Variants in ASXL3 observed in about 807,000 individuals in gnomAD.
ASXL3 encodes putative Polycomb group protein ASXL3.
A neutral mutation model predicts 170.6 loss-of-function variants in ASXL3; 34 were observed. That is an observed-to-expected ratio of 0.20 (90% confidence interval 0.15 to 0.27). The LOEUF is 0.27. Among genes scored for constraint, ASXL3 ranks in the 10% least tolerant of loss-of-function variants. ASXL3 has a pLI of 1.00. For synonymous variants in ASXL3, 1,002 were observed against 989.1 expected, an observed-to-expected ratio of 1.01 and a Z score of -0.24; for missense variants, 2,592 against 2,695.3, an observed-to-expected ratio of 0.96 and a Z score of 0.85.
chr18:33,644,547 TGGTG>T (rs1599437080), intron 2 of ASXL3, among the ~76,000 whole-genome samples: 12 of 151,404 alleles, frequency 7.9e-5, no homozygotes, highest in Admixed American at 3.3e-4. Context: ...TAAGGCTTCA[TGGTG>T]TTATTTGTAA....
Position 33,742,876 on chromosome 18 carries a change from TCC to T in ASXL3, c.3040-11_3040-10del. ...GAAGCACATTATATTTTTTTTTCTG[TCC>T]TCCTTTTAGATTCAGCTTTCCAAAA... On this transcript the variant is annotated splice_polypyrimidine_tract_variant and intron_variant, in intron 11 of 11. Coordinates refer to ENST00000269197, the MANE Select transcript of ASXL3 (RefSeq NM_030632.3). The T allele has an allele frequency of 6.3e-7, 1 of 1,575,512 alleles. No homozygotes were observed. Among genetic ancestry groups the T allele is most frequent in the African/African-American group, 1.4e-5 (1 of 72,782 alleles).
chr18:33,648,845 G>A (rs2065954619), intron 4 of ASXL3, among the ~76,000 whole-genome samples: 1 of 152,062 alleles, frequency 6.6e-6, no homozygotes, highest in Non-Finnish European at 1.5e-5. Flanking sequence ...GGAGGGTGAA[G>A]TGACTCAAAT....
chr18:33,698,888 G>A (rs532663364), intron 8 of ASXL3, among the ~76,000 whole-genome samples: 1 of 152,260 alleles, frequency 6.6e-6, no homozygotes, highest in African/African-American at 2.4e-5. Context: ...GTTTAAGAGA[G>A]GGATCAGGGA....
At chr18:33,721,377 T>C (rs2067256429) in intron 8 of ASXL3, among the ~76,000 whole-genome samples, 1 of 152,052 alleles carries the variant, frequency 6.6e-6, no homozygotes, top group East Asian at 1.9e-4. Flanking sequence ...AAGAAAAAAT[T>C]ATATGTACAC....
At chr18:33,702,278 ATCTC>A (rs907262045) in intron 8 of ASXL3, among the ~76,000 whole-genome samples, 15 of 150,750 alleles carry the variant, frequency 1.0e-4, no homozygotes, top group South Asian at 4.2e-4. Flanking sequence ...GCATATCTGC[ATCTC>A]TCTCTCTCTC....
At chr18:33,648,494 G>A (rs1024463538) in intron 4 of ASXL3, among the ~76,000 whole-genome samples, 7 of 152,056 alleles carry the variant, frequency 4.6e-5, no homozygotes, top group Admixed American at 4.6e-4. Flanking sequence ...AAGGGGAGGG[G>A]CGTTGTTGAT....
chr18:33,657,499 C>T (rs2066102572), intron 4 of ASXL3, among the ~76,000 whole-genome samples: 1 of 152,038 alleles, frequency 6.6e-6, no homozygotes, highest in East Asian at 1.9e-4. Context: ...GGAGGGAATA[C>T]CAACCATATC....
chr18:33,633,013 G>T (rs941830202), intron 2 of ASXL3, among the ~76,000 whole-genome samples: 5 of 152,098 alleles, frequency 3.3e-5, no homozygotes, highest in African/African-American at 1.2e-4. Context: ...CCTCGCTCTG[G>T]AATCACGTTC....
At chr18:33,594,754 A>G (rs988142643) in intron 1 of ASXL3, among the ~76,000 whole-genome samples, 2 of 152,054 alleles carry the variant, frequency 1.3e-5, no homozygotes, top group Non-Finnish European at 2.9e-5. Context: ...ATTTATATAT[A>G]TATAAATGGG....
rs1043572327 is a variant in ASXL3, at chr18:33,660,222, G to C, written c.356-1394G>C. Among the ~76,000 whole-genome samples the C allele has an allele frequency of 1.4e-4, 21 of 152,222 alleles. No homozygotes were observed. The East Asian group carries it at 3.7e-3, about 27-fold the overall frequency. ...ATATACCTTATTGTGTTACAAGAAA[G>C]CTGCAAGGATTAAATCAGATCACAT... On this transcript the variant is annotated intron_variant, in intron 4 of 11. Coordinates refer to ENST00000269197, the MANE Select transcript of ASXL3 (RefSeq NM_030632.3).
chr18:33,681,797 A>G (rs1186521586), intron 7 of ASXL3, among the ~76,000 whole-genome samples: 1 of 152,018 alleles, frequency 6.6e-6, no homozygotes, highest in Non-Finnish European at 1.5e-5. Context: ...ACTTCTATAA[A>G]TATGCATTTT....
intron 2 of ASXL3, among the ~76,000 whole-genome samples, chr18:33,621,758 G>A (rs1003004891): frequency 5.9e-5 from 9 of 152,068 alleles, no homozygotes; most frequent in Admixed American, 5.9e-4. Flanking sequence ...TCCAGTTTTT[G>A]TTTGGAATGC....
At chr18:33,588,618 T>G (rs1261714751) in intron 1 of ASXL3, among the ~76,000 whole-genome samples, 1 of 152,088 alleles carries the variant, frequency 6.6e-6, no homozygotes, top group African/African-American at 2.4e-5. Flanking sequence ...ATTTGCTGTC[T>G]TTGCACCCCA....
At chr18:33,670,384 T>G (rs1218013933) in intron 5 of ASXL3, among the ~76,000 whole-genome samples, 1 of 152,224 alleles carries the variant, frequency 6.6e-6, no homozygotes, top group Non-Finnish European at 1.5e-5. Flanking sequence ...TTCCATGGAC[T>G]CTCAAGCCAC....
In ASXL3 at chr18:33,745,245, G is replaced by A. The variant is rs751498563; in HGVS notation, c.5397G>A (p.Pro1799=). The change falls in exon 12 of 12, where the codon CCG becomes CCA. Residue 1799 remains proline, a synonymous_variant. Coordinates refer to ENST00000269197, the MANE Select transcript of ASXL3 (RefSeq NM_030632.3). ...KTAPERNVEI[P]PSSPNPDGKG... is the part of the protein sequence containing the mutation. ...CACCAGAGAGAAACGTTGAAATTCCGCCCAGCTCTCCAAATCCAGATGGTA... is the reference window on the plus strand; with the variant it reads ...CACCAGAGAGAAACGTTGAAATTCCACCCAGCTCTCCAAATCCAGATGGTA... The A allele has an allele frequency of 1.4e-5, 22 of 1,613,840 alleles. No homozygotes were observed. The highest frequency in any genetic ancestry group is 7.7e-5 in the South Asian group (7 of 91,088).
chr18:33,609,012 A>C, intron 2 of ASXL3: 7 of 984,802 alleles, frequency 7.1e-6, no homozygotes, highest in Non-Finnish European at 7.2e-6. Context: ...AGCCTAAGAT[A>C]ATATAACCAC....
intron 2 of ASXL3, among the ~76,000 whole-genome samples, chr18:33,638,114 A>G (rs987514118): frequency 2.7e-5 from 4 of 150,422 alleles, no homozygotes; most frequent in Admixed American, 2.7e-4. Flanking sequence ...ACATATATGT[A>G]TATATGTGCA....
chr18:33,652,550 G>C (rs1229875291), intron 4 of ASXL3, among the ~76,000 whole-genome samples: 1 of 138,656 alleles, frequency 7.2e-6, no homozygotes, highest in Non-Finnish European at 1.5e-5. Context: ...GGCTTTCAGG[G>C]AGGAAGCAGC....
At chr18:33,671,410 C>G (rs1377523439) in intron 6 of ASXL3, among the ~76,000 whole-genome samples, 1 of 152,146 alleles carries the variant, frequency 6.6e-6, no homozygotes, top group Non-Finnish European at 1.5e-5. Flanking sequence ...TTTCATCTTT[C>G]CGTGTCTGTC....
Sources: gnomAD v4.1 joint callset for allele counts (sites outside exome capture counted in the v4.1 genomes callset) on GRCh38, gnomAD v4.1.1 for gene constraint, MANE v1.5 for transcripts, NCBI Gene and HGNC (gene_info 2026-07-23, HGNC 2026-07-21) for gene names.